PRKG1: variants seen among roughly 807,000 people sequenced by gnomAD.
The protein encoded by PRKG1 is cGMP-dependent protein kinase 1.
Under a neutral mutation model 88.1 loss-of-function variants are expected in PRKG1, and 35 were observed. The ratio of observed to expected loss-of-function variants is 0.40; its 90% confidence interval spans 0.30 to 0.53. PRKG1 has a LOEUF of 0.53. Among genes scored for constraint, PRKG1 ranks in the 20% least tolerant of loss-of-function variants. PRKG1 has a pLI of 0.59. For synonymous variants in PRKG1, 303 were observed against 292.5 expected (o/e 1.04, Z -0.37); for missense variants, 540 against 839.8 (o/e 0.64, Z 4.41).
intron 2 of PRKG1, among the ~76,000 whole-genome samples, chr10:51,368,032 C>T (rs137858725): frequency 4.2e-4 from 64 of 152,104 alleles, no homozygotes; most frequent in African/African-American, 1.5e-3. Context: ...CCCAACTCCT[C>T]CTCTTCCCAA....
chr10:51,504,043 T>A (rs1050857385), intron 3 of PRKG1, among the ~76,000 whole-genome samples: 3 of 152,098 alleles, frequency 2.0e-5, no homozygotes, highest in African/African-American at 7.2e-5. Context: ...TTAGCAAAGT[T>A]TATTTATTGG....
intron 4 of PRKG1, among the ~76,000 whole-genome samples, chr10:51,859,526 A>C (rs1457520035): frequency 6.6e-6 from 1 of 152,104 alleles, no homozygotes; most frequent in African/African-American, 2.4e-5. Context: ...AAAGGAAAAA[A>C]GAAAGAAAAT....
At chr10:51,543,575 G>A (rs1472598027) in intron 3 of PRKG1, among the ~76,000 whole-genome samples, 1 of 152,184 alleles carries the variant, frequency 6.6e-6, no homozygotes, top group African/African-American at 2.4e-5. Flanking sequence ...TTTGCAGATG[G>A]CAGCAAAGCT....
intron 4 of PRKG1, among the ~76,000 whole-genome samples, chr10:51,867,291 T>C (rs1841040511): frequency 6.6e-6 from 1 of 152,192 alleles, no homozygotes; most frequent in Admixed American, 6.6e-5. Flanking sequence ...AAGGACCTTA[T>C]GTTCCATGCT....
At chr10:51,738,724 A>G (rs1423797103) in intron 3 of PRKG1, among the ~76,000 whole-genome samples, 2 of 152,116 alleles carry the variant, frequency 1.3e-5, no homozygotes, top group Non-Finnish European at 2.9e-5. Context: ...CTGGGACTCC[A>G]TTTATTGGAC....
chr10:51,432,074 C>A (rs1284920267), intron 2 of PRKG1, among the ~76,000 whole-genome samples: 3 of 152,084 alleles, frequency 2.0e-5, no homozygotes, highest in African/African-American at 4.8e-5. Context: ...ACACATGTAC[C>A]ACATATCCTT....
rs114002778 is a variant in PRKG1, at chr10:52,058,101, C to T, written c.840+3540C>T. Among the ~76,000 whole-genome samples the T allele has an allele frequency of 2.3e-3, 356 of 151,880 alleles. 4 individuals carry two copies. Among genetic ancestry groups the T allele is most frequent in the African/African-American group, 8.3e-3 (345 of 41,490 alleles). On this transcript the variant is annotated intron_variant, in intron 6 of 17. Coordinates refer to ENST00000373980, the MANE Select transcript of PRKG1 (RefSeq NM_006258.4). ...AAATTTAATAAGAGTTTAGCAAAAT[C>T]GGCATTATTCAGTTCATTTTTCTTT...
At chr10:51,791,672 A>G (rs1158163156) in intron 3 of PRKG1, among the ~76,000 whole-genome samples, 2 of 152,128 alleles carry the variant, frequency 1.3e-5, no homozygotes, top group Non-Finnish European at 2.9e-5. Flanking sequence ...TATATGAATA[A>G]CTATGAAGCA....
chr10:51,499,287 G>A (rs1015156382), intron 3 of PRKG1, among the ~76,000 whole-genome samples: 2 of 152,158 alleles, frequency 1.3e-5, no homozygotes, highest in African/African-American at 4.8e-5. Flanking sequence ...TACAGGTATA[G>A]CCAATACTTG....
chr10:51,851,868 G>T (rs1050138026), intron 4 of PRKG1, among the ~76,000 whole-genome samples: 1 of 152,076 alleles, frequency 6.6e-6, no homozygotes, highest in African/African-American at 2.4e-5. Context: ...AGTAGGACCT[G>T]CCATGAGTGC....
At chr10:50,995,162 A>C (rs74133924) in intron 1 of PRKG1, among the ~76,000 whole-genome samples, 102 of 152,346 alleles carry the variant, frequency 6.7e-4, no homozygotes, top group African/African-American at 2.4e-3. Flanking sequence ...AATCTTAAAA[A>C]TTTACGTAAT....
intron 3 of PRKG1, among the ~76,000 whole-genome samples, chr10:51,704,035 T>G (rs1168172494): frequency 6.6e-6 from 1 of 151,648 alleles, no homozygotes; most frequent in African/African-American, 2.4e-5. Flanking sequence ...ATCTCAGCTA[T>G]TTGGAGGCCA....
At chr10:51,379,730 G>T (rs943337512) in intron 2 of PRKG1, among the ~76,000 whole-genome samples, 21 of 152,326 alleles carry the variant, frequency 1.4e-4, no homozygotes, top group African/African-American at 5.1e-4. Context: ...TTTAACTGAA[G>T]AGTTGAGAGA....
At chr10:51,432,466 A>T (rs1428416563) in intron 2 of PRKG1, among the ~76,000 whole-genome samples, 1 of 152,170 alleles carries the variant, frequency 6.6e-6, no homozygotes, top group Non-Finnish European at 1.5e-5. Flanking sequence ...AAGCTTAGGG[A>T]GTTAAAGCAC....
At chr10:51,685,044 T>C (rs1234917502) in intron 3 of PRKG1, among the ~76,000 whole-genome samples, 1 of 152,146 alleles carries the variant, frequency 6.6e-6, no homozygotes, top group Non-Finnish European at 1.5e-5. Flanking sequence ...AAAGATTGAT[T>C]TCATAAATTT....
chr10:51,576,564 G>A (rs1035446682), intron 3 of PRKG1, among the ~76,000 whole-genome samples: 26 of 151,848 alleles, frequency 1.7e-4, no homozygotes, highest in African/African-American at 6.3e-4. Flanking sequence ...TTTCCTTGGA[G>A]TAAATCCTAA....
At chr10:52,210,194 A>C (rs1199613030) in intron 9 of PRKG1, among the ~76,000 whole-genome samples, 1 of 152,012 alleles carries the variant, frequency 6.6e-6, no homozygotes, top group African/African-American at 2.4e-5. Flanking sequence ...CACTCTCCTA[A>C]TTAAAACGGA....
At chr10:51,057,062 C>A (rs578064603) in intron 1 of PRKG1, among the ~76,000 whole-genome samples, 73 of 152,226 alleles carry the variant, frequency 4.8e-4, no homozygotes, top group African/African-American at 1.7e-3. Context: ...TTAGTAAGTT[C>A]TTTTATTGAA....
At chr10:51,941,599 C>T (rs1476501290) in intron 5 of PRKG1, among the ~76,000 whole-genome samples, 1 of 149,840 alleles carries the variant, frequency 6.7e-6, no homozygotes, top group African/African-American at 2.5e-5. Context: ...GCTATCCCTC[C>T]TCCCTCCCCC....
Sources: allele counts gnomAD v4.1 joint callset (sites outside exome capture counted in the v4.1 genomes callset), GRCh38; gene constraint gnomAD v4.1.1; transcripts MANE v1.5; gene names NCBI Gene and HGNC (gene_info 2026-07-23, HGNC 2026-07-21).